Variants in IL1RAP observed in about 807,000 individuals in gnomAD.
The protein encoded by IL1RAP is interleukin-1 receptor accessory protein.
IL1RAP carries 35 observed loss-of-function variants against 60.7 expected under a neutral mutation model. The ratio of observed to expected loss-of-function variants is 0.58; its 90% CI spans 0.44 to 0.76. IL1RAP has a LOEUF of 0.76. Among genes scored for constraint, IL1RAP ranks in the 30% least tolerant of loss-of-function variants. The probability of loss-of-function intolerance (pLI) is 0.00; values close to 1 mark genes in which losing one functional copy is unlikely to be tolerated. For synonymous variants in IL1RAP, 268 were observed against 250.9 expected, an observed-to-expected ratio of 1.07 and a Z score of -0.64; for missense variants, 572 against 693.9, an observed-to-expected ratio of 0.82 and a Z score of 1.97.
At chr3:190,559,206 G>T (rs2885370) in intron 2 of IL1RAP, among the ~76,000 whole-genome samples, 127,556 of 152,256 alleles carry the variant, frequency 0.84, 54,100 homozygotes, top group East Asian at 1. Context: ...ATTACCATTT[G>T]AATATCTCCG....
intron 6 of IL1RAP, among the ~76,000 whole-genome samples, chr3:190,623,048 A>T (rs1455334855): frequency 1.3e-5 from 2 of 152,220 alleles, no homozygotes; most frequent in Non-Finnish European, 2.9e-5. Flanking sequence ...TGGGACTAGA[A>T]CAATATTAAA....
chr3:190,610,298 G>A (rs1423577583), intron 5 of IL1RAP, among the ~76,000 whole-genome samples: 1 of 152,004 alleles, frequency 6.6e-6, no homozygotes, highest in Non-Finnish European at 1.5e-5. Flanking sequence ...TATTTCCTAA[G>A]TGAGCTAAAT....
chr3:190,531,292 C>T (rs1316299127), intron 1 of IL1RAP, among the ~76,000 whole-genome samples: 1 of 152,118 alleles, frequency 6.6e-6, no homozygotes, highest in Non-Finnish European at 1.5e-5. Flanking sequence ...ACCCATAGTT[C>T]TTGGACATTC....
chr3:190,569,493 T>G (rs907372555), intron 3 of IL1RAP, among the ~76,000 whole-genome samples: 14 of 152,228 alleles, frequency 9.2e-5, no homozygotes. Flanking sequence ...GAATACTGTT[T>G]CATTTTATTC....
intron 3 of IL1RAP, among the ~76,000 whole-genome samples, chr3:190,583,431 G>A (rs1232830146): frequency 6.6e-6 from 1 of 152,182 alleles, no homozygotes; most frequent in Non-Finnish European, 1.5e-5. Context: ...TTCTTTCTAT[G>A]TAGTTACTGA....
chr3:190,619,345 T>C (rs772260046), intron 5 of IL1RAP, among the ~76,000 whole-genome samples: 6 of 152,136 alleles, frequency 3.9e-5, no homozygotes, highest in Admixed American at 2.0e-4. Context: ...TATATGCAAA[T>C]GTGAATTAGG....
In IL1RAP at chr3:190,559,941, T is replaced by C. The variant is rs78185087; in HGVS notation, c.-2+3725T>C. 6.2e-3 allele frequency among the ~76,000 whole-genome samples: 944 copies of C among 152,306 alleles called. 40 individuals carry two copies. In the East Asian group the frequency reaches 0.13, roughly 21 times the overall value. On this transcript the variant is annotated intron_variant, in intron 2 of 11. Transcript: ENST00000447382. ...TTCATTTTACCCCAAATCAGAGTCTTCCATGTCACTTTGCCAAAACTTTCA... is the reference window on the plus strand; with the variant it reads ...TTCATTTTACCCCAAATCAGAGTCTCCCATGTCACTTTGCCAAAACTTTCA...
intron 3 of IL1RAP, among the ~76,000 whole-genome samples, chr3:190,569,703 A>G (rs577149056): frequency 6.6e-6 from 1 of 152,258 alleles, no homozygotes; most frequent in South Asian, 2.1e-4. Context: ...GTACCACATA[A>G]TTGGCTTGAT....
chr3:190,640,038 G>T (rs143868878), intron 9 of IL1RAP, among the ~76,000 whole-genome samples: 1 of 152,100 alleles, frequency 6.6e-6, no homozygotes, highest in African/African-American at 2.4e-5. Flanking sequence ...GTATTTGGCC[G>T]AAGACTCGAG....
intron 3 of IL1RAP, among the ~76,000 whole-genome samples, chr3:190,580,517 C>T (rs1727899473): frequency 1.3e-5 from 2 of 152,178 alleles, no homozygotes; most frequent in Non-Finnish European, 2.9e-5. Context: ...ACCTGGAGGA[C>T]ATTATGCTAA....
intron 1 of IL1RAP, among the ~76,000 whole-genome samples, chr3:190,538,362 G>A (rs753296024): frequency 3.3e-5 from 5 of 152,140 alleles, no homozygotes; most frequent in Non-Finnish European, 7.4e-5. Flanking sequence ...CATTTGAGAA[G>A]CACTGTCTTA....
intron 9 of IL1RAP, among the ~76,000 whole-genome samples, chr3:190,633,176 A>G (rs7629377): frequency 0.23 from 34,423 of 152,072 alleles, 5,285 homozygotes; most frequent in African/African-American, 0.43. Flanking sequence ...ATCAGTCTGG[A>G]GAAAATTGAA....
At chr3:190,549,562 T>C (rs576810055) in intron 1 of IL1RAP, among the ~76,000 whole-genome samples, 1 of 152,306 alleles carries the variant, frequency 6.6e-6, no homozygotes, top group Admixed American at 6.5e-5. Context: ...AGAAAACATG[T>C]ATTTAAATGA....
intron 3 of IL1RAP, among the ~76,000 whole-genome samples, chr3:190,565,262 A>G (rs1726284058): frequency 6.6e-6 from 1 of 152,126 alleles, no homozygotes; most frequent in Non-Finnish European, 1.5e-5. Flanking sequence ...AGAGGTCCTC[A>G]TTTTATAAAG....
At chr3:190,604,538 T>C in intron 4 of IL1RAP, 125 bp downstream of exon 4, 2 of 1,009,830 alleles carry the variant, frequency 2.0e-6, no homozygotes, top group Non-Finnish European at 2.9e-6. Flanking sequence ...AGTGAGGTAA[T>C]TGTCTGCAGC....
chr3:190,585,735 C>G (rs1208988005), intron 3 of IL1RAP, among the ~76,000 whole-genome samples: 3 of 151,918 alleles, frequency 2.0e-5, no homozygotes, highest in Non-Finnish European at 4.4e-5. Flanking sequence ...TTGCTTGAAC[C>G]CGGGAGGCTG....
chr3:190,596,825 G>T (rs946670967), intron 3 of IL1RAP, among the ~76,000 whole-genome samples: 16 of 152,304 alleles, frequency 1.1e-4, no homozygotes, highest in African/African-American at 3.6e-4. Context: ...GCTGGTGCCT[G>T]CAGTGAATCA....
intron 5 of IL1RAP, among the ~76,000 whole-genome samples, chr3:190,619,165 A>G (rs1410267007): frequency 6.6e-6 from 1 of 152,216 alleles, no homozygotes; most frequent in East Asian, 1.9e-4. Flanking sequence ...TAAATGTTCA[A>G]CATATATTTT....
exon 12 of IL1RAP, chr3:190,657,106 A>G (rs1734642696): frequency 6.6e-6 from 1 of 152,596 alleles, no homozygotes; most frequent in Admixed American, 6.5e-5. Context: ...ATACCCACCC[A>G]GGGATACATG....
Sources: allele counts gnomAD v4.1 joint callset (sites outside exome capture counted in the v4.1 genomes callset), GRCh38; gene constraint gnomAD v4.1.1; transcripts MANE v1.5; gene names NCBI Gene and HGNC (gene_info 2026-07-23, HGNC 2026-07-21).